The following SDK1 variants were observed in gnomAD, a reference collection of about 807,000 sequenced individuals.
The protein encoded by SDK1 is sidekick cell adhesion molecule 1.
Under a neutral mutation model 245.5 loss-of-function variants are expected in SDK1, and 157 were observed. That is an observed-to-expected ratio of 0.64 (90% CI 0.56 to 0.73). SDK1 has a LOEUF of 0.73. SDK1 is among the 30% of genes least tolerant of loss of function. The probability of loss-of-function intolerance (pLI) is 0.00; values close to 1 mark genes in which losing one functional copy is unlikely to be tolerated. For synonymous variants in SDK1, 1,647 were observed against 1,278.5 expected (o/e 1.29, Z -6.15); for missense variants, 3,583 against 3,002.3 (o/e 1.19, Z -4.52).
In SDK1 at chr7:4,129,935, C is replaced by A. The variant is rs775605106; in HGVS notation, c.3967C>A (p.Pro1323Thr). 6.2e-7 allele frequency: 1 copy of A among 1,613,726 alleles called. No homozygotes were observed. The highest frequency in any genetic ancestry group is 1.3e-5 in the African/African-American group (1 of 75,060). ...CCTGTTCCGGGCCAAAGACCTGGATCCCGAGCCCAGGAGCCACATCGTGCG... is the reference window on the plus strand; with the variant it reads ...CCTGTTCCGGGCCAAAGACCTGGATACCGAGCCCAGGAGCCACATCGTGCG... The part of the protein sequence containing the change: ...KILFRAKDLD[P>T]EPRSHIVRGN... Residue 1323 changes from proline (P) to threonine (T), a missense_variant, in exon 27 of 45, where the codon CCC becomes ACC. Physicochemically the swap from Pro to Thr is conservative, Grantham distance 38. Transcript: ENST00000404826.
rs115285014 is a variant in SDK1, at chr7:3,971,445, C to T, written c.1715-21C>T. 6.3e-4 allele frequency: 974 copies of T among 1,557,656 alleles called. 8 individuals carry two copies. The South Asian group carries it at 7.2e-3, about 12-fold the overall frequency. On this transcript the variant is annotated intron_variant, in intron 11 of 44. Coordinates refer to ENST00000404826, the MANE Select transcript of SDK1 (RefSeq NM_152744.4). ...GTCAAACTTGTCATTTCGTCTGACTCGTGACTTGTGTTTTTTTCAGATCGG... is the reference window on the plus strand; with the variant it reads ...GTCAAACTTGTCATTTCGTCTGACTTGTGACTTGTGTTTTTTTCAGATCGG...
chr7:3,953,060 C>T (rs937894220), intron 7 of SDK1, among the ~76,000 whole-genome samples: 3 of 151,760 alleles, frequency 2.0e-5, no homozygotes, highest in Non-Finnish European at 4.4e-5. Context: ...TCGACTTCCT[C>T]TCTCCTCTTT....
At chr7:3,950,795 CT>C (rs1264865140) in intron 5 of SDK1, 127 bp from the exon 6 acceptor site, 1 of 656,952 alleles carries the variant, frequency 1.5e-6, no homozygotes, top group Non-Finnish European at 2.7e-6. Flanking sequence ...CAATTTGTGT[CT>C]GTAGGGATTG....
intron 1 of SDK1, among the ~76,000 whole-genome samples, chr7:3,596,973 A>G (rs74709135): frequency 2.1e-4 from 32 of 152,302 alleles, no homozygotes; most frequent in Admixed American, 9.8e-4. Flanking sequence ...CAAAACTGGT[A>G]TAAGAGTAGG....
intron 43 of SDK1, among the ~76,000 whole-genome samples, chr7:4,244,513 C>T (rs937976802): frequency 2.6e-5 from 4 of 152,334 alleles, no homozygotes; most frequent in East Asian, 1.9e-4. Context: ...AGAAGCTGGG[C>T]TTTTACTCAG....
intron 5 of SDK1, among the ~76,000 whole-genome samples, chr7:3,920,064 G>C (rs1208993930): frequency 3.9e-5 from 6 of 152,194 alleles, no homozygotes. Context: ...GGGCAGCACA[G>C]ACAGACGAAG....
At chr7:3,587,533 C>A (rs1747247227) in intron 1 of SDK1, among the ~76,000 whole-genome samples, 1 of 152,104 alleles carries the variant, frequency 6.6e-6, no homozygotes, top group African/African-American at 2.4e-5. Flanking sequence ...GATTGATGTC[C>A]CCGACTGAGC....
At chr7:3,895,382 C>G (rs1315895058) in intron 5 of SDK1, among the ~76,000 whole-genome samples, 8 of 152,214 alleles carry the variant, frequency 5.3e-5, no homozygotes, top group Admixed American at 5.2e-4. Flanking sequence ...ATCCATGTAT[C>G]AAAGCTCTAG....
intron 20 of SDK1, among the ~76,000 whole-genome samples, chr7:4,070,832 C>G (rs1465939389): frequency 1.3e-5 from 2 of 152,002 alleles, no homozygotes; most frequent in Non-Finnish European, 2.9e-5. Context: ...GCCTCAGCCT[C>G]CCGAGTAGTT....
chr7:3,573,299 A>G (rs550269725), intron 1 of SDK1, among the ~76,000 whole-genome samples: 67 of 152,284 alleles, frequency 4.4e-4, no homozygotes, highest in African/African-American at 1.5e-3. Flanking sequence ...TATGGCCTGC[A>G]CAGGCAGAAG....
chr7:3,584,483 C>G (rs531157440), intron 1 of SDK1, among the ~76,000 whole-genome samples: 3 of 152,284 alleles, frequency 2.0e-5, no homozygotes, highest in East Asian at 1.9e-4. Context: ...CAAGGGCTGC[C>G]TGGCCCCACC....
At chr7:3,832,817 G>A (rs1779943554) in intron 5 of SDK1, among the ~76,000 whole-genome samples, 1 of 151,890 alleles carries the variant, frequency 6.6e-6, no homozygotes, top group African/African-American at 2.4e-5. Flanking sequence ...TGATCTTGAA[G>A]AATACCCTGT....
intron 4 of SDK1, among the ~76,000 whole-genome samples, chr7:3,767,524 T>A (rs73306109): frequency 0.021 from 3,133 of 151,540 alleles, 81 homozygotes; most frequent in African/African-American, 0.06. Flanking sequence ...AAATTCATGA[T>A]AGCTAACACT....
chr7:3,807,927 G>A (rs538488687), intron 4 of SDK1, among the ~76,000 whole-genome samples: 6 of 152,194 alleles, frequency 3.9e-5, no homozygotes, highest in African/African-American at 4.8e-5. Flanking sequence ...TTAATATCTC[G>A]TTTAATTCTC....
Position 4,121,814 on chromosome 7 carries a change from T to A in SDK1, c.3824-5567T>A, listed in dbSNP as rs1318787113. Among the ~76,000 whole-genome samples, 3 of 152,202 alleles carry A rather than the reference T, an allele frequency of 2.0e-5. No individual in the cohort carries two copies. The East Asian group carries it at 5.8e-4, about 29-fold the overall frequency. On this transcript the variant is annotated intron_variant, in intron 25 of 44. Transcript: ENST00000404826. The stretch of plus-strand genomic sequence containing the variant: ...GTCAGTTATTACATTCTTTCTTATT[T>A]TGAGGGTTATAGCTTATGGAAGGGT...
intron 4 of SDK1, among the ~76,000 whole-genome samples, chr7:3,681,307 G>T (rs867051896): frequency 2.6e-5 from 4 of 152,112 alleles, no homozygotes; most frequent in African/African-American, 9.7e-5. Flanking sequence ...GAAAGCATTC[G>T]TTTTCATTGC....
At chr7:3,646,201 A>C (rs1395422221) in intron 4 of SDK1, among the ~76,000 whole-genome samples, 1 of 152,078 alleles carries the variant, frequency 6.6e-6, no homozygotes, top group East Asian at 1.9e-4. Flanking sequence ...TTGGTTCCCT[A>C]ATACGTGCAC....
intron 14 of SDK1, among the ~76,000 whole-genome samples, chr7:3,987,571 G>T (rs1583739919): frequency 6.6e-6 from 1 of 152,114 alleles, no homozygotes; most frequent in Non-Finnish European, 1.5e-5. Context: ...CCCATGGGAG[G>T]GCTGTGCACA....
intron 44 of SDK1, among the ~76,000 whole-genome samples, chr7:4,250,191 G>A (rs529101945): frequency 6.6e-6 from 1 of 152,246 alleles, no homozygotes; most frequent in Non-Finnish European, 1.5e-5. Flanking sequence ...CATGATGATT[G>A]CAACGCATTT....
Sources: allele counts gnomAD v4.1 joint callset (sites outside exome capture counted in the v4.1 genomes callset), GRCh38; gene constraint gnomAD v4.1.1; transcripts MANE v1.5; gene names NCBI Gene and HGNC (gene_info 2026-07-23, HGNC 2026-07-21).